Variants in XRCC4 observed in about 807,000 individuals in gnomAD.
XRCC4 encodes the protein X-ray repair cross complementing 4, also known as DNA repair protein XRCC4.
Under a neutral mutation model 39.1 loss-of-function variants are expected in XRCC4, and 28 were observed. That is an observed-to-expected ratio of 0.72 (90% CI 0.53 to 0.98). The LOEUF is 0.98. Among genes scored for constraint, XRCC4 ranks in the 50% least tolerant of loss-of-function variants. The pLI is 0.00. For missense variants in XRCC4, 350 were observed against 376.4 expected, an observed-to-expected ratio of 0.93 and a Z score of 0.58; for synonymous variants, 123 against 126.4, an observed-to-expected ratio of 0.97 and a Z score of 0.18.
chr5:83,131,028 C>T (rs1747548366), intron 3 of XRCC4, among the ~76,000 whole-genome samples: 2 of 152,012 alleles, frequency 1.3e-5, no homozygotes, highest in South Asian at 2.1e-4. Context: ...AATATGTTTG[C>T]TCTTGCTTCT....
At chr5:83,374,279 G>A in the XRCC4 span, among the ~76,000 whole-genome samples, 2 of 152,310 alleles carry the variant, frequency 1.3e-5, no homozygotes, top group South Asian at 4.1e-4. Context: ...TGGTTTCCCT[G>A]ATACTGTTCT....
chr5:83,213,380 C>T (rs1219156125), intron 6 of XRCC4, among the ~76,000 whole-genome samples: 1 of 151,414 alleles, frequency 6.6e-6, no homozygotes, highest in Non-Finnish European at 1.5e-5. Flanking sequence ...GTCTTTTATG[C>T]CAGATTGAAC....
At chr5:83,247,844 T>A (rs1352622342) in intron 6 of XRCC4, among the ~76,000 whole-genome samples, 9 of 152,218 alleles carry the variant, frequency 5.9e-5, no homozygotes. Context: ...TTATGATTGC[T>A]TTGTGTACTG....
intron 6 of XRCC4, among the ~76,000 whole-genome samples, chr5:83,222,869 T>C (rs1370899588): frequency 6.6e-6 from 1 of 152,138 alleles, no homozygotes; most frequent in East Asian, 1.9e-4. Flanking sequence ...CATCTCAGCC[T>C]TCCAAGTAGC....
intron 3 of XRCC4, among the ~76,000 whole-genome samples, chr5:83,191,487 G>A (rs956296699): frequency 6.6e-6 from 1 of 152,092 alleles, no homozygotes; most frequent in Non-Finnish European, 1.5e-5. Context: ...GGCAGATCAC[G>A]AGGTCAGGAG....
At chr5:83,229,353 CTCTT>C (rs1752406603) in intron 6 of XRCC4, among the ~76,000 whole-genome samples, 1 of 151,910 alleles carries the variant, frequency 6.6e-6, no homozygotes, top group Admixed American at 6.6e-5. Context: ...TCAGCCTGAA[CTCTT>C]TCTTTAATAT....
At chr5:83,254,929 A>G (rs567809417) in intron 6 of XRCC4, among the ~76,000 whole-genome samples, 1 of 152,018 alleles carries the variant, frequency 6.6e-6, no homozygotes, top group Non-Finnish European at 1.5e-5. Flanking sequence ...TCTACTAAAA[A>G]TACAAAAATT....
At chr5:83,279,594 G>A (rs1248958448) in intron 7 of XRCC4, among the ~76,000 whole-genome samples, 1 of 152,158 alleles carries the variant, frequency 6.6e-6, no homozygotes, top group Non-Finnish European at 1.5e-5. Context: ...TATGGTTGCT[G>A]TAATATATAC....
the XRCC4 span, among the ~76,000 whole-genome samples, chr5:83,367,006 A>C: frequency 6.6e-6 from 1 of 152,174 alleles, no homozygotes; most frequent in African/African-American, 2.4e-5. Context: ...ACCAGATTTT[A>C]AACAGGATTA....
intron 4 of XRCC4, among the ~76,000 whole-genome samples, chr5:83,203,134 A>G (rs1751279047): frequency 6.6e-6 from 1 of 152,112 alleles, no homozygotes; most frequent in Non-Finnish European, 1.5e-5. Flanking sequence ...TAAATCAGAC[A>G]AATTAGCTAT....
chr5:83,222,065 A>G (rs1752106243), intron 6 of XRCC4, among the ~76,000 whole-genome samples: 1 of 151,764 alleles, frequency 6.6e-6, no homozygotes, highest in Admixed American at 6.6e-5. Context: ...AATCTTTTAT[A>G]TATCTGAGAT....
intron 1 of XRCC4, among the ~76,000 whole-genome samples, chr5:83,081,231 CTA>C (rs1235076018): frequency 6.6e-6 from 1 of 152,162 alleles, no homozygotes; most frequent in East Asian, 1.9e-4. Flanking sequence ...TACTTTGTTG[CTA>C]GTGTTAATGA....
At position 83,177,438 on chromosome 5, in the gene XRCC4, C is replaced by CTT. The variant is rs776050448; in HGVS notation, c.316-18316_316-18315dup. On this transcript the variant is annotated intron_variant, in intron 3 of 7. Coordinates refer to ENST00000396027, the MANE Select transcript of XRCC4 (RefSeq NM_003401.5). ...TTGTTCATCAGAATAGCTTTAATAC[C>CTT]TTTTTTTTTTTTTTTTTGGTTTTGA... Among the ~76,000 whole-genome samples, 449 of 98,282 alleles carry CTT rather than the reference C, an allele frequency of 4.6e-3. 1 individual carries two copies. The highest frequency in any genetic ancestry group is 0.017 in the African/African-American group (407 of 24,626). 64.5% of individuals were successfully genotyped at this position (98,282 alleles called of 152,430 possible).
the XRCC4 span, among the ~76,000 whole-genome samples, chr5:83,374,387 G>A: frequency 3.0e-4 from 45 of 152,166 alleles, no homozygotes; most frequent in Non-Finnish European, 4.6e-4. Context: ...CAGGTGAGAC[G>A]TGCGTTTTGC....
the XRCC4 span, among the ~76,000 whole-genome samples, chr5:83,359,985 CTG>C: frequency 6.6e-6 from 1 of 151,988 alleles, no homozygotes; most frequent in African/African-American, 2.4e-5. Flanking sequence ...AGTGAAATGT[CTG>C]TGATCTTCGG....
Position 83,353,243 on chromosome 5 carries a change from C to T in XRCC4, c.*1C>T, listed in dbSNP as rs764494350. 1 of 1,584,046 alleles carries T rather than the reference C, an allele frequency of 6.3e-7. No homozygotes were observed. Among genetic ancestry groups the T allele is most frequent in the Non-Finnish European group, 8.6e-7 (1 of 1,165,012 alleles). ...AGAAGACCTCTTTGATGAGATTTAA[C>T]AGTCTCAAAAAATACTTTGATGTTC... On this transcript the variant is annotated 3_prime_UTR_variant, in exon 8 of 8. Transcript: ENST00000396027.
chr5:83,120,263 C>G (rs560271048), intron 3 of XRCC4, among the ~76,000 whole-genome samples: 5 of 152,096 alleles, frequency 3.3e-5, no homozygotes, highest in Non-Finnish European at 7.4e-5. Flanking sequence ...GTAAGCTAAG[C>G]TAGGATAGAA....
At chr5:83,267,113 T>C (rs1753983524) in intron 7 of XRCC4, among the ~76,000 whole-genome samples, 1 of 152,164 alleles carries the variant, frequency 6.6e-6, no homozygotes, top group Admixed American at 6.5e-5. Flanking sequence ...GAGTTGCTAA[T>C]CCTTTTGGAG....
chr5:83,273,202 TGTTGG>T (rs1276034262), intron 7 of XRCC4, among the ~76,000 whole-genome samples: 1 of 152,270 alleles, frequency 6.6e-6, no homozygotes, highest in Admixed American at 6.5e-5. Flanking sequence ...TTCATATGTC[TGTTGG>T]CTGCATAAAT....
Sources: gnomAD v4.1 joint callset for allele counts (sites outside exome capture counted in the v4.1 genomes callset) on GRCh38, gnomAD v4.1.1 for gene constraint, MANE v1.5 for transcripts, NCBI Gene and HGNC (gene_info 2026-07-23, HGNC 2026-07-21) for gene names.